Variants in CCDC149 observed in about 807,000 individuals in gnomAD.
CCDC149 encodes the protein coiled-coil domain-containing protein 149.
CCDC149 carries 45 observed loss-of-function variants against 59.9 expected under a neutral mutation model. The observed-to-expected ratio is 0.75, with a 90% confidence interval of 0.59 to 0.96. The LOEUF is 0.96. Ranked by LOEUF, CCDC149 falls within the 40% of genes least tolerant of loss-of-function variation. CCDC149 has a pLI of 0.00. For synonymous variants in CCDC149, 245 were observed against 260.6 expected (o/e 0.94, Z 0.58); for missense variants, 584 against 664.7 (o/e 0.88, Z 1.33).
At chr4:24,884,410 C>T (rs559590313) in intron 1 of CCDC149, among the ~76,000 whole-genome samples, 5 of 152,296 alleles carry the variant, frequency 3.3e-5, no homozygotes, top group African/African-American at 1.2e-4. Context: ...CACTCTAGTA[C>T]AGTCGCACAA....
chr4:24,828,165 A>G (rs1365130636), intron 9 of CCDC149: 4 of 151,990 alleles, frequency 2.6e-5, no homozygotes, highest in African/African-American at 9.7e-5. Flanking sequence ...TAGGCAACTT[A>G]TGTACTGATG....
intron 1 of CCDC149, among the ~76,000 whole-genome samples, chr4:24,972,473 A>G (rs1240521620): frequency 6.6e-6 from 1 of 151,800 alleles, no homozygotes; most frequent in Non-Finnish European, 1.5e-5. Flanking sequence ...ACGCCCAGAT[A>G]ATTTTTGCAT....
intron 1 of CCDC149, among the ~76,000 whole-genome samples, chr4:24,892,319 T>C (rs1381539995): frequency 6.6e-6 from 1 of 152,214 alleles, no homozygotes; most frequent in Non-Finnish European, 1.5e-5. Flanking sequence ...TACTTCATGG[T>C]ACTATAGGTT....
intron 1 of CCDC149, among the ~76,000 whole-genome samples, chr4:24,884,398 T>C (rs1306506560): frequency 6.6e-6 from 1 of 152,194 alleles, no homozygotes; most frequent in Non-Finnish European, 1.5e-5. Flanking sequence ...TTTGTGTCAG[T>C]ACACTCTAGT....
At chr4:24,948,544 C>G (rs1207820977) in intron 1 of CCDC149, among the ~76,000 whole-genome samples, 2 of 152,152 alleles carry the variant, frequency 1.3e-5, no homozygotes, top group East Asian at 3.8e-4. Flanking sequence ...TCAGGTTTAG[C>G]CAGCAGGAGG....
chr4:24,936,875 G>C (rs903814604), intron 1 of CCDC149, among the ~76,000 whole-genome samples: 3 of 152,240 alleles, frequency 2.0e-5, no homozygotes, highest in Admixed American at 6.5e-5. Flanking sequence ...AGCTTTTGTG[G>C]TGTTGGAGGT....
chr4:24,835,369 T>C (rs1716450286), intron 7 of CCDC149, among the ~76,000 whole-genome samples: 1 of 152,208 alleles, frequency 6.6e-6, no homozygotes, highest in Non-Finnish European at 1.5e-5. Flanking sequence ...AAATTCCTTC[T>C]GAATAGACAT....
At chr4:24,804,118 C>T (rs1577365586), downstream of CCDC149, among the ~76,000 whole-genome samples, 1 of 152,252 alleles carries the variant, frequency 6.6e-6, no homozygotes, top group East Asian at 1.9e-4. Context: ...GGGACCCTCA[C>T]TATTGCTAAG....
At chr4:24,878,293 G>A (rs917710832) in intron 1 of CCDC149, among the ~76,000 whole-genome samples, 1 of 151,688 alleles carries the variant, frequency 6.6e-6, no homozygotes, top group Non-Finnish European at 1.5e-5. Flanking sequence ...ATTCTGAGAC[G>A]GATTTGAGTT....
rs780726716 is a variant in CCDC149, at chr4:24,837,220, C to T, written c.662+8G>A. On this transcript the variant is annotated splice_region_variant and intron_variant, in intron 6 of 12. Coordinates refer to ENST00000635206, the MANE Select transcript of CCDC149 (RefSeq NM_001330643.2). The surrounding 1 kb of genome is among the most constrained non-coding windows in gnomAD (Gnocchi z 4.3). ...CTCCCACGCACAGGCCTGGGCCTGG[C>T]CACTTGCCTGTTCTCCATACACAGG... The T allele has an allele frequency of 1.9e-6, 3 of 1,613,726 alleles. No individual in the cohort carries two copies. In the East Asian group the frequency reaches 6.7e-5, roughly 36 times the overall value.
chr4:24,924,543 T>G (rs528736620), intron 1 of CCDC149, among the ~76,000 whole-genome samples: 165 of 152,208 alleles, frequency 1.1e-3, no homozygotes, highest in Non-Finnish European at 2.1e-3. Flanking sequence ...TTTGCATGCC[T>G]GACACCTACT....
intron 1 of CCDC149, among the ~76,000 whole-genome samples, chr4:24,907,340 C>G (rs1007509966): frequency 6.6e-6 from 1 of 152,146 alleles, no homozygotes; most frequent in Admixed American, 6.5e-5. Flanking sequence ...CATCCATTCT[C>G]CCTCTTCGAA....
chr4:24,932,879 G>A (rs569822087), intron 1 of CCDC149, among the ~76,000 whole-genome samples: 8 of 152,198 alleles, frequency 5.3e-5, no homozygotes, highest in Admixed American at 6.5e-5. Flanking sequence ...GGAGCTGTGC[G>A]AACCAATTTA....
At chr4:24,964,946 A>C (rs1723750230) in intron 1 of CCDC149, among the ~76,000 whole-genome samples, 1 of 148,572 alleles carries the variant, frequency 6.7e-6, no homozygotes, top group African/African-American at 2.6e-5. Context: ...GGAAAAAAAG[A>C]CTGCAAATTT....
intron 1 of CCDC149, among the ~76,000 whole-genome samples, chr4:24,949,805 G>T (rs1723228672): frequency 6.6e-6 from 1 of 152,234 alleles, no homozygotes; most frequent in South Asian, 2.1e-4. Context: ...TGGGAAGGAA[G>T]TGGCAGGCAG....
chr4:24,827,460 A>G (rs558883128), intron 9 of CCDC149: 4 of 152,380 alleles, frequency 2.6e-5, no homozygotes, highest in African/African-American at 9.6e-5. Context: ...CAAAAGGCCA[A>G]TATGTCCTCA....
At chr4:24,861,200 A>G (rs1718354451) in intron 3 of CCDC149, among the ~76,000 whole-genome samples, 1 of 152,128 alleles carries the variant, frequency 6.6e-6, no homozygotes, top group Non-Finnish European at 1.5e-5. Context: ...TTGCAAAAAT[A>G]TAGAACTAGC....
At chr4:24,917,219 G>A (rs1019082137), upstream of CCDC149, among the ~76,000 whole-genome samples, 4 of 152,162 alleles carry the variant, frequency 2.6e-5, no homozygotes, top group African/African-American at 9.7e-5. Context: ...TCCTCTCACG[G>A]CCACCCCTGC....
intron 4 of CCDC149, among the ~76,000 whole-genome samples, chr4:24,850,551 A>T (rs897872951): frequency 2.0e-5 from 3 of 152,158 alleles, no homozygotes; most frequent in Non-Finnish European, 4.4e-5. Flanking sequence ...AGGGGCTGAA[A>T]TTAGTGCTCC....
Sources: gnomAD v4.1 joint callset for allele counts (sites outside exome capture counted in the v4.1 genomes callset) on GRCh38, gnomAD v4.1.1 for gene constraint, Gnocchi (gnomAD v3.1) non-coding constraint, MANE v1.5 for transcripts, NCBI Gene and HGNC (gene_info 2026-07-23, HGNC 2026-07-21) for gene names.